KHDRBS2: variants seen among roughly 807,000 people sequenced by gnomAD.
The protein encoded by KHDRBS2 is KH RNA binding domain containing, signal transduction associated 2.
KHDRBS2 carries 26 observed loss-of-function variants against 44.3 expected under a neutral mutation model. The observed-to-expected ratio is 0.59, with a 90% confidence interval of 0.43 to 0.81. The LOEUF (loss-of-function observed/expected upper bound fraction) is 0.81. Ranked by LOEUF, KHDRBS2 falls within the 40% of genes least tolerant of loss-of-function variation. The pLI, the probability that KHDRBS2 is intolerant of heterozygous loss-of-function variation, is 0.00. For synonymous variants in KHDRBS2, 194 were observed against 151.1 expected (o/e 1.28, Z -2.08); for missense variants, 476 against 433.1 (o/e 1.10, Z -0.88).
chr6:61,954,942 G>GTGTA (rs1349532857), intron 4 of KHDRBS2, among the ~76,000 whole-genome samples: 6 of 68,306 alleles, frequency 8.8e-5, no homozygotes, highest in African/African-American at 2.2e-4. Flanking sequence ...ACATATGTAT[G>GTGTA]TGTATACATA....
intron 6 of KHDRBS2, among the ~76,000 whole-genome samples, chr6:61,775,639 A>G (rs1781834783): frequency 6.6e-6 from 1 of 152,220 alleles, no homozygotes; most frequent in African/African-American, 2.4e-5. Context: ...AATGAAATAA[A>G]AGAGGATACA....
intron 4 of KHDRBS2, among the ~76,000 whole-genome samples, chr6:61,903,265 G>A (rs1423303665): frequency 1.3e-5 from 2 of 152,068 alleles, no homozygotes; most frequent in Non-Finnish European, 2.9e-5. Context: ...GTTTCAAAGG[G>A]GATCTTTGCA....
intron 3 of KHDRBS2, among the ~76,000 whole-genome samples, chr6:62,019,543 C>T (rs1005421722): frequency 3.3e-5 from 5 of 151,946 alleles, no homozygotes; most frequent in Non-Finnish European, 4.4e-5. Flanking sequence ...CCTTAATTGG[C>T]TGGTAGAATT....
chr6:62,178,938 T>C (rs1821700698), intron 1 of KHDRBS2, among the ~76,000 whole-genome samples: 1 of 151,598 alleles, frequency 6.6e-6, no homozygotes, highest in Non-Finnish European at 1.5e-5. Context: ...AATTTATTTA[T>C]ATTGCATTTT....
intron 1 of KHDRBS2, among the ~76,000 whole-genome samples, chr6:62,218,495 A>C (rs1327500221): frequency 6.6e-6 from 1 of 151,906 alleles, no homozygotes; most frequent in Non-Finnish European, 1.5e-5. Flanking sequence ...AGAAGTGAAA[A>C]TTATCAGAAA....
chr6:61,566,435 T>C, the KHDRBS2 span, among the ~76,000 whole-genome samples: 2 of 152,304 alleles, frequency 1.3e-5, no homozygotes, highest in South Asian at 4.1e-4. Context: ...GTTTAAAGTA[T>C]TAGATATCCC....
rs377104269 is a variant in KHDRBS2 at position 61,785,181 on chromosome 6, A to C, written c.811-52417T>G. Among the ~76,000 whole-genome samples, 465 of 151,940 alleles carry C rather than the reference A, an allele frequency of 3.1e-3. 4 individuals are homozygous for C. The highest frequency in any genetic ancestry group is 9.9e-3 in the African/African-American group (411 of 41,474). ...ACAAACAAACAAACAACAACAACAA[A>C]AAAAAACAGACAATCAAAGAAAACA... On this transcript the variant is annotated intron_variant, in intron 6 of 8. Transcript: ENST00000281156.
At chr6:61,578,723 G>A in the KHDRBS2 span, among the ~76,000 whole-genome samples, 10 of 152,102 alleles carry the variant, frequency 6.6e-5, no homozygotes, top group Non-Finnish European at 1.0e-4. Flanking sequence ...GTAGTAAAGC[G>A]ATTATAGTCG....
intron 1 of KHDRBS2, among the ~76,000 whole-genome samples, chr6:62,232,350 C>T (rs1180241167): frequency 1.3e-5 from 2 of 152,076 alleles, no homozygotes; most frequent in African/African-American, 2.4e-5. Context: ...GAAAATAAGT[C>T]TAATTGTCCT....
At chr6:62,089,203 T>A (rs1237261575) in intron 2 of KHDRBS2, among the ~76,000 whole-genome samples, 1 of 150,966 alleles carries the variant, frequency 6.6e-6, no homozygotes, top group Non-Finnish European at 1.5e-5. Flanking sequence ...GCTCCCTGGC[T>A]TCAGTCCCCT....
the KHDRBS2 span, among the ~76,000 whole-genome samples, chr6:61,559,599 A>G: frequency 6.6e-6 from 1 of 152,134 alleles, no homozygotes; most frequent in African/African-American, 2.4e-5. Flanking sequence ...ATTTGAAGTA[A>G]CCATGAAGCT....
intron 8 of KHDRBS2, among the ~76,000 whole-genome samples, chr6:61,695,712 A>G (rs1482128236): frequency 6.6e-6 from 1 of 152,202 alleles, no homozygotes; most frequent in Non-Finnish European, 1.5e-5. Context: ...AATACAAAAT[A>G]TCTGTAACTA....
intron 4 of KHDRBS2, among the ~76,000 whole-genome samples, chr6:61,928,751 T>C (rs1157198664): frequency 1.3e-5 from 2 of 152,058 alleles, no homozygotes; most frequent in African/African-American, 4.8e-5. Flanking sequence ...TTTTCTTAGG[T>C]TTTATCATGC....
At chr6:61,761,617 T>G (rs1248141639) in intron 6 of KHDRBS2, among the ~76,000 whole-genome samples, 1 of 152,198 alleles carries the variant, frequency 6.6e-6, no homozygotes, top group Non-Finnish European at 1.5e-5. Flanking sequence ...TTAAACCTAC[T>G]AATGGAAATT....
chr6:61,567,616 G>T, the KHDRBS2 span, among the ~76,000 whole-genome samples: 6 of 152,222 alleles, frequency 3.9e-5, no homozygotes, highest in African/African-American at 1.4e-4. Context: ...ACACTAGCTT[G>T]GGCAACAAAC....
chr6:62,200,649 A>G (rs1295836645), intron 1 of KHDRBS2, among the ~76,000 whole-genome samples: 1 of 152,204 alleles, frequency 6.6e-6, no homozygotes, highest in Admixed American at 6.5e-5. Flanking sequence ...ACCATAAACT[A>G]GTTCAACCAT....
chr6:61,896,873 A>G (rs1212807285), intron 5 of KHDRBS2, among the ~76,000 whole-genome samples: 2 of 152,128 alleles, frequency 1.3e-5, no homozygotes, highest in Non-Finnish European at 2.9e-5. Flanking sequence ...CCTTTCTACT[A>G]TTTTTAAGAT....
At chr6:61,544,113 G>T in the KHDRBS2 span, among the ~76,000 whole-genome samples, 2 of 152,014 alleles carry the variant, frequency 1.3e-5, no homozygotes, top group African/African-American at 4.8e-5. Flanking sequence ...GAATATAATT[G>T]TATTCTTTGT....
At chr6:61,889,775 C>T (rs936548309) in intron 6 of KHDRBS2, among the ~76,000 whole-genome samples, 3 of 152,166 alleles carry the variant, frequency 2.0e-5, no homozygotes, top group African/African-American at 7.2e-5. Flanking sequence ...ATTGGCCTGT[C>T]CACTGCCCCA....
Sources: allele counts gnomAD v4.1 joint callset (sites outside exome capture counted in the v4.1 genomes callset), GRCh38; gene constraint gnomAD v4.1.1; transcripts MANE v1.5; gene names NCBI Gene and HGNC (gene_info 2026-07-23, HGNC 2026-07-21).